Variants in EYS observed in about 807,000 individuals in gnomAD.
EYS encodes the protein EGF-like photoreceptor maintenance factor.
In EYS, 250 loss-of-function variants were observed where a neutral mutation model predicts 282.1. That is an observed-to-expected ratio of 0.89 (90% CI 0.80 to 0.98). The LOEUF is 0.98. Among genes scored for constraint, EYS ranks in the 50% least tolerant of loss-of-function variants. EYS has a pLI of 0.00. For missense variants in EYS, 4,016 were observed against 3,709.0 expected (o/e 1.08, Z -2.15); for synonymous variants, 1,355 against 1,282.9 (o/e 1.06, Z -1.20).
intron 15 of EYS, among the ~76,000 whole-genome samples, chr6:64,932,403 T>A (rs1429200247): frequency 4.6e-5 from 7 of 152,066 alleles, no homozygotes; most frequent in Admixed American, 4.6e-4. Context: ...TCTAGGGAAT[T>A]TGTTAAAAAT....
intron 8 of EYS, among the ~76,000 whole-genome samples, chr6:65,361,622 T>G (rs1764712793): frequency 6.6e-6 from 1 of 152,006 alleles, no homozygotes. Context: ...TAGCTGGGAC[T>G]GCAGACATGC....
At chr6:63,916,281 GGTATAAAT>G (rs1764421080) in intron 35 of EYS, among the ~76,000 whole-genome samples, 1 of 152,098 alleles carries the variant, frequency 6.6e-6, no homozygotes, top group Admixed American at 6.6e-5. Context: ...ATTTTATTCT[GGTATAAAT>G]GTAGTAGTGG....
chr6:65,412,794 G>T (rs535113127), intron 5 of EYS, among the ~76,000 whole-genome samples: 1 of 151,850 alleles, frequency 6.6e-6, no homozygotes, highest in Non-Finnish European at 1.5e-5. Context: ...TCTTAACATG[G>T]TATTTCTAGA....
At chr6:65,390,169 G>C (rs1009812585) in intron 7 of EYS, among the ~76,000 whole-genome samples, 1 of 151,288 alleles carries the variant, frequency 6.6e-6, no homozygotes, top group Non-Finnish European at 1.5e-5. Flanking sequence ...GAAGGAGAGG[G>C]GGAAATTAGC....
At chr6:64,496,027 T>C (rs906520565) in intron 26 of EYS, among the ~76,000 whole-genome samples, 1 of 151,900 alleles carries the variant, frequency 6.6e-6, no homozygotes, top group African/African-American at 2.4e-5. Flanking sequence ...ACTTTCATTA[T>C]TTAATATGAA....
Position 65,540,271 on chromosome 6 carries a change from A to G in EYS, c.-332-44278T>C, listed in dbSNP as rs563798691. 2.6e-5 allele frequency among the ~76,000 whole-genome samples: 4 copies of G among 152,228 alleles called. No individual in the cohort carries two copies. The East Asian group carries it at 7.8e-4, about 30-fold the overall frequency. On this transcript the variant is annotated intron_variant, in intron 2 of 42. Coordinates refer to ENST00000503581, the MANE Select transcript of EYS (RefSeq NM_001142800.2). ...AACTCTCTAACCTGCCCCACTATCT[A>G]GTTTTAGTGGCATAAATACTTTGTG...
intron 11 of EYS, among the ~76,000 whole-genome samples, chr6:65,311,471 G>A (rs1769158298): frequency 1.3e-5 from 2 of 152,254 alleles, no homozygotes; most frequent in Middle Eastern, 3.4e-3. Context: ...GATGGGGAAC[G>A]CAGTAGAATA....
At chr6:65,384,234 C>A (rs973345868) in intron 8 of EYS, 152 bp downstream of exon 8, 1 of 594,278 alleles carries the variant, frequency 1.7e-6, no homozygotes, top group Non-Finnish European at 3.0e-6. Flanking sequence ...ATTAAAACCC[C>A]TATTGCTAAG....
intron 22 of EYS, among the ~76,000 whole-genome samples, chr6:64,683,975 GCTC>G (rs1769994066): frequency 6.6e-6 from 1 of 152,170 alleles, no homozygotes; most frequent in Admixed American, 6.5e-5. Flanking sequence ...ACGAAGGCAG[GCTC>G]CTGCACTAGC....
At chr6:64,605,952 G>T (rs570211777) in intron 24 of EYS, among the ~76,000 whole-genome samples, 4 of 152,004 alleles carry the variant, frequency 2.6e-5, no homozygotes, top group African/African-American at 9.6e-5. Context: ...CATAAGAAAA[G>T]ACATTTATTT....
At chr6:65,291,104 G>T (rs1768512840) in intron 12 of EYS, among the ~76,000 whole-genome samples, 1 of 151,466 alleles carries the variant, frequency 6.6e-6, no homozygotes, top group Non-Finnish European at 1.5e-5. Context: ...AAGAAAAGTT[G>T]TATCTTTAAA....
chr6:64,304,606 G>T (rs956426182), intron 30 of EYS, among the ~76,000 whole-genome samples: 1 of 30,318 alleles, frequency 3.3e-5, no homozygotes, highest in African/African-American at 1.8e-4. Flanking sequence ...TGGTTTCCAG[G>T]ATAGACTATA....
chr6:64,819,999 A>G (rs1400479899), intron 21 of EYS, among the ~76,000 whole-genome samples: 1 of 152,100 alleles, frequency 6.6e-6, no homozygotes, highest in Non-Finnish European at 1.5e-5. Context: ...ATAATGACAA[A>G]TTACATTCTC....
At chr6:65,271,226 T>C (rs1473817092) in intron 12 of EYS, among the ~76,000 whole-genome samples, 1 of 146,452 alleles carries the variant, frequency 6.8e-6, no homozygotes, top group Non-Finnish European at 1.5e-5. Context: ...TGTCTGCCAA[T>C]TGGAGACCCA....
At chr6:64,579,459 T>C (rs1765992615) in intron 26 of EYS, among the ~76,000 whole-genome samples, 2 of 152,150 alleles carry the variant, frequency 1.3e-5, no homozygotes, top group Non-Finnish European at 2.9e-5. Flanking sequence ...CCCCAGATCA[T>C]TCTCATGTAT....
chr6:65,620,405 G>A (rs1007877489), intron 2 of EYS, among the ~76,000 whole-genome samples: 12 of 151,114 alleles, frequency 7.9e-5, no homozygotes, highest in South Asian at 2.1e-4. Flanking sequence ...GTGATATCCC[G>A]TTTATCATTT....
At chr6:65,606,717 A>C (rs1765809299) in intron 2 of EYS, among the ~76,000 whole-genome samples, 1 of 151,866 alleles carries the variant, frequency 6.6e-6, no homozygotes, top group Non-Finnish European at 1.5e-5. Context: ...TAAAAGTTAA[A>C]GTTATTGACT....
chr6:65,182,471 A>G (rs1765413825), intron 12 of EYS, among the ~76,000 whole-genome samples: 1 of 151,638 alleles, frequency 6.6e-6, no homozygotes, highest in South Asian at 2.1e-4. Flanking sequence ...ATAATAATGC[A>G]AACATTTCTC....
chr6:64,637,459 G>T lies in EYS; in HGVS notation c.3444-11214C>A, dbSNP rs1294862544. On this transcript the variant is annotated intron_variant, in intron 22 of 42. Transcript: ENST00000503581. ...GGACTGTTGTGGGGTGTGGGGAGGG[G>T]GGAGGGACAGCATTAGGAGATATAC... Among the ~76,000 whole-genome samples the T allele has an allele frequency of 4.2e-5, 3 of 71,014 alleles. 1 individual carries two copies. The highest frequency in any genetic ancestry group is 1.6e-4 in the African/African-American group (3 of 18,364). 46.6% of individuals were successfully genotyped at this position (71,014 alleles called of 152,430 possible).
Sources: allele counts gnomAD v4.1 joint callset (sites outside exome capture counted in the v4.1 genomes callset), GRCh38; gene constraint gnomAD v4.1.1; transcripts MANE v1.5; gene names NCBI Gene and HGNC (gene_info 2026-07-23, HGNC 2026-07-21).